Variants in GRIN2A observed in about 807,000 individuals in gnomAD.
The protein encoded by GRIN2A is glutamate ionotropic receptor NMDA type subunit 2A, also known as glutamate receptor ionotropic, NMDA 2A.
In GRIN2A, 22 loss-of-function variants were observed where a neutral mutation model predicts 113.4. The ratio of observed to expected loss-of-function variants is 0.19; its 90% CI spans 0.14 to 0.28. The LOEUF (loss-of-function observed/expected upper bound fraction) is 0.28. Ranked by LOEUF, GRIN2A falls within the 10% of genes least tolerant of loss-of-function variation. The probability of loss-of-function intolerance (pLI) is 1.00; values close to 1 mark genes in which losing one functional copy is unlikely to be tolerated. For missense variants in GRIN2A, 1,502 were observed against 1,887.0 expected (o/e 0.80, Z 3.78); for synonymous variants, 827 against 738.4 (o/e 1.12, Z -1.94).
At chr16:10,016,966 G>C (rs2046622451) in intron 2 of GRIN2A, among the ~76,000 whole-genome samples, 2 of 152,196 alleles carry the variant, frequency 1.3e-5, no homozygotes, top group South Asian at 4.1e-4. Flanking sequence ...CCAGGCCACT[G>C]CTGCTTAATG....
chr16:9,808,892 C>CTGAT (rs1192801507), intron 10 of GRIN2A, among the ~76,000 whole-genome samples: 1 of 151,978 alleles, frequency 6.6e-6, no homozygotes, highest in African/African-American at 2.4e-5. Flanking sequence ...AGCCATATGA[C>CTGAT]TGATAGCCCT....
intron 2 of GRIN2A, among the ~76,000 whole-genome samples, chr16:10,100,172 T>A (rs1596504328): frequency 6.6e-6 from 1 of 152,104 alleles, no homozygotes; most frequent in South Asian, 2.1e-4. Context: ...GTAGCCGAGG[T>A]CAGCCATGAA....
At chr16:9,967,019 T>C (rs1370012478) in intron 2 of GRIN2A, among the ~76,000 whole-genome samples, 1 of 152,214 alleles carries the variant, frequency 6.6e-6, no homozygotes, top group Non-Finnish European at 1.5e-5. Flanking sequence ...GTTCTCACGA[T>C]GAAATTCTCA....
chr16:9,939,067 T>C (rs2044791098), intron 2 of GRIN2A, among the ~76,000 whole-genome samples: 1 of 152,186 alleles, frequency 6.6e-6, no homozygotes, highest in Admixed American at 6.6e-5. Flanking sequence ...AGGGTTTCTG[T>C]CACTTGAACA....
chr16:9,964,786 T>C (rs1400552986), intron 2 of GRIN2A, among the ~76,000 whole-genome samples: 1 of 152,154 alleles, frequency 6.6e-6, no homozygotes, highest in Non-Finnish European at 1.5e-5. Context: ...TAATCCAGGA[T>C]CATCCGAATC....
intron 2 of GRIN2A, among the ~76,000 whole-genome samples, chr16:9,951,457 T>C (rs2045176860): frequency 6.6e-6 from 1 of 152,218 alleles, no homozygotes; most frequent in African/African-American, 2.4e-5. Flanking sequence ...TTTGTGTTTG[T>C]GTATGTGCGC....
At chr16:10,121,512 C>G (rs554906393) in intron 2 of GRIN2A, 3 of 152,108 alleles carry the variant, frequency 2.0e-5, no homozygotes, top group Non-Finnish European at 4.4e-5. Flanking sequence ...TCTCTGTGTT[C>G]TTGTGACCAT....
intron 11 of GRIN2A, among the ~76,000 whole-genome samples, chr16:9,776,278 A>ATTT (rs34371083): frequency 1.5e-5 from 2 of 129,662 alleles, no homozygotes. Flanking sequence ...AACATCCTGG[A>ATTT]TTTTTTTTTT....
intron 2 of GRIN2A, among the ~76,000 whole-genome samples, chr16:10,116,827 T>TG (rs1022758160): frequency 1.3e-5 from 2 of 152,028 alleles, no homozygotes. Context: ...AAGACAGTTC[T>TG]GGGGGGCATT....
Position 9,763,399 on chromosome 16 carries a change from C to T in GRIN2A, c.4145G>A (p.Cys1382Tyr), listed in dbSNP as rs769095466. 4.3e-6 allele frequency: 7 copies of T among 1,614,030 alleles called. No individual in the cohort carries two copies. The highest frequency in any genetic ancestry group is 1.3e-5 in the African/African-American group (1 of 74,920). ...RDDQRLVIGR[C>Y]PSDPYKHSLP... ...CGAGTGTTTGTAAGGGTCCGAGGGG[C>T]ATCTCCCAATAACCAAGCGTTGGTC... Residue 1382 changes from cysteine (C) to tyrosine (Y), a missense_variant, in exon 13 of 13, where the codon TGC becomes TAC. Around this residue, in one of 7 missense-constraint regions of GRIN2A, gnomAD observed 832 missense variants for 789.7 expected, o/e 1.05. Transcript: ENST00000330684.
rs2042351658 is a variant in GRIN2A at position 9,824,568 on chromosome 16, G to A, written c.2008-2144C>T. Among the ~76,000 whole-genome samples, 3 of 152,168 alleles carry A rather than the reference G, an allele frequency of 2.0e-5. No homozygotes were observed. The South Asian group carries it at 6.2e-4, about 32-fold the overall frequency. On this transcript the variant is annotated intron_variant, in intron 9 of 12. Coordinates refer to ENST00000330684, the MANE Select transcript of GRIN2A (RefSeq NM_001134407.3). Reference sequence around the variant, plus strand: ...ACAGAGATAGATATTCAGTCTCTGTGATGGTTTCCGTGCTTCTCTGGCCTG... The same window carrying A: ...ACAGAGATAGATATTCAGTCTCTGTAATGGTTTCCGTGCTTCTCTGGCCTG...
intron 11 of GRIN2A, among the ~76,000 whole-genome samples, chr16:9,787,945 C>T (rs753207122): frequency 2.6e-5 from 4 of 152,160 alleles, no homozygotes; most frequent in Non-Finnish European, 2.9e-5. Flanking sequence ...GGGAAGCCAT[C>T]GAAAGACAGA....
chr16:10,028,118 C>G lies in GRIN2A; in HGVS notation c.415-89567G>C, dbSNP rs139288156. Among the ~76,000 whole-genome samples the G allele has an allele frequency of 3.6e-3, 551 of 152,304 alleles. 2 individuals carry two copies. The highest frequency in any genetic ancestry group is 0.013 in the African/African-American group (527 of 41,558). The stretch of plus-strand genomic sequence containing the variant: ...AGTGACACATGTTCTACATATGCCC[C>G]ACGCCAGGTCTGTGTTGAGCAGTAA... On this transcript the variant is annotated intron_variant, in intron 2 of 12. Coordinates refer to ENST00000330684, the MANE Select transcript of GRIN2A (RefSeq NM_001134407.3).
At chr16:9,769,662 A>C (rs1901143913) in intron 11 of GRIN2A, among the ~76,000 whole-genome samples, 1 of 152,034 alleles carries the variant, frequency 6.6e-6, no homozygotes, top group Admixed American at 6.5e-5. Context: ...AAATAGGCAT[A>C]ATAATAGAAC....
At chr16:9,846,992 A>G (rs2141361296) in intron 5 of GRIN2A, among the ~76,000 whole-genome samples, 1 of 152,322 alleles carries the variant, frequency 6.6e-6, no homozygotes, top group South Asian at 2.1e-4. Flanking sequence ...GGACAATGCC[A>G]GCTCTTTCTT....
Position 9,880,986 on chromosome 16 carries a change from T to C in GRIN2A, c.1122+10000A>G, listed in dbSNP as rs138978399. On this transcript the variant is annotated intron_variant, in intron 4 of 12. Transcript: ENST00000330684. ...TGAAAACCAGATGTCTTATCTGCCT[T>C]GCAACCCTCAGATATGACTTGCACA... Among the ~76,000 whole-genome samples the C allele has an allele frequency of 3.9e-3, 594 of 152,340 alleles. 6 individuals are homozygous for C. Among genetic ancestry groups the C allele is most frequent in the African/African-American group, 0.013 (555 of 41,572 alleles).
rs773221856 is a variant in GRIN2A, at chr16:9,764,736, T to C, written c.2808A>G (p.Ser936=). 3.1e-6 allele frequency: 5 copies of C among 1,614,114 alleles called. No individual in the cohort carries two copies. The Admixed American group carries it at 6.7e-5, about 22-fold the overall frequency. The part of the protein sequence containing the change: ...QRGSLIMDMV[S]DKGNLMYSDN... Reference sequence around the variant, plus strand: ...CTGAGTACATCAAATTCCCCTTATCTGAAACCATGTCCATGATGAGGGAAC... The same window carrying C: ...CTGAGTACATCAAATTCCCCTTATCCGAAACCATGTCCATGATGAGGGAAC... Residue 936 remains serine, a synonymous_variant, in exon 13 of 13, where the codon TCA becomes TCG. Transcript: ENST00000330684.
chr16:10,010,513 C>T (rs773032856), intron 2 of GRIN2A, among the ~76,000 whole-genome samples: 3 of 152,122 alleles, frequency 2.0e-5, no homozygotes, highest in Non-Finnish European at 2.9e-5. Flanking sequence ...AGAGCATTAG[C>T]AATAGTACCT....
intron 2 of GRIN2A, among the ~76,000 whole-genome samples, chr16:10,004,165 C>T (rs1454637090): frequency 4.6e-5 from 7 of 151,892 alleles, no homozygotes; most frequent in Non-Finnish European, 2.9e-5. Context: ...CTGAGGCGGG[C>T]ACATCACGAA....
Sources: gnomAD v4.1 joint callset for allele counts (sites outside exome capture counted in the v4.1 genomes callset) on GRCh38, gnomAD v4.1.1 for gene constraint, gnomAD v4.1.1 regional missense constraint, MANE v1.5 for transcripts, NCBI Gene and HGNC (gene_info 2026-07-23, HGNC 2026-07-21) for gene names.